The following TNRC18 variants were observed in gnomAD, a reference collection of about 807,000 sequenced individuals.
TNRC18 encodes trinucleotide repeat-containing gene 18 protein.
A neutral mutation model predicts 226.7 loss-of-function variants in TNRC18; 69 were observed. That is an observed-to-expected ratio of 0.30 (90% CI 0.25 to 0.37). The LOEUF (loss-of-function observed/expected upper bound fraction) is 0.37. TNRC18 is among the 10% of genes least tolerant of loss of function. TNRC18 has a pLI of 1.00. For missense variants in TNRC18, 4,754 were observed against 4,256.6 expected (o/e 1.12, Z -3.25); for synonymous variants, 2,449 against 1,927.6 (o/e 1.27, Z -7.09).
Position 5,321,200 on chromosome 7 carries a change from T to G in TNRC18, c.6443-10A>C, listed in dbSNP as rs189021954. On this transcript the variant is annotated splice_polypyrimidine_tract_variant and intron_variant, in intron 21 of 29. Transcript: ENST00000430969. ...ATGCAGGAGCGAGGGGCTGCAGGGG[T>G]TGGATCGTGAGGCGAGGCTGGAGCC... 3.9e-4 allele frequency: 595 copies of G among 1,532,814 alleles called. 3 individuals are homozygous for G. In the African/African-American group the frequency reaches 7.6e-3, roughly 20 times the overall value. 95.0% of individuals were successfully genotyped at this position (1,532,814 alleles called of 1,614,324 possible).
At position 5,324,477 on chromosome 7, in the gene TNRC18, G is replaced by A. The variant is rs1278260481; in HGVS notation, c.6301-122C>T. On this transcript the variant is annotated intron_variant, in intron 20 of 29. Transcript: ENST00000430969. The surrounding 1 kb of genome is among the most constrained non-coding windows in gnomAD (Gnocchi z 4.8). The stretch of plus-strand genomic sequence containing the variant: ...CGCAGGGGGAATCTGTCATGTGCAT[G>A]GCAGGGATCCCAGTTAGGGGCACCC... 10 of 1,372,970 alleles carry A rather than the reference G, an allele frequency of 7.3e-6. No individual in the cohort carries two copies. The East Asian group carries it at 1.9e-4, about 26-fold the overall frequency. The allele number at this position is 1,372,970 out of a possible 1,614,324, so 85.0% of individuals were successfully genotyped here. A position where few individuals can be genotyped will look rare whatever the true frequency, so the allele number is the denominator to read the frequency against.
rs759589013 is a variant in TNRC18 at position 5,351,936 on chromosome 7, G to C, written c.5353C>G (p.Pro1785Ala). 1.9e-6 allele frequency: 3 copies of C among 1,613,798 alleles called. No homozygotes were observed. Among genetic ancestry groups the C allele is most frequent in the Admixed American group, 1.7e-5 (1 of 59,992 alleles). Residue 1785 changes from proline to alanine, a missense_variant, in exon 17 of 30, where the codon CCC (proline) becomes GCC (alanine). Transcript: ENST00000430969. ...GCCGGCTTGGGTTTCAGAGTCCGGG[G>C]GGCCGCCAGGCCCCTCTTGGTCAGC... The part of the protein sequence containing the change: ...PKLTKRGLAA[P>A]RTLKPKPATS...
rs908291723 is a variant in TNRC18, at chr7:5,387,583, GC to G, written c.2152+88del. On this transcript the variant is annotated intron_variant, in intron 5 of 29. Coordinates refer to ENST00000430969, the MANE Select transcript of TNRC18 (RefSeq NM_001080495.3). Reference sequence around the variant, plus strand: ...TGATACTTATAAAGACTTAGCAATAGCAAAGGGAAAGGGCCCACACTGTAAT... The same window carrying G: ...TGATACTTATAAAGACTTAGCAATAGAAAGGGAAAGGGCCCACACTGTAAT... 2.6e-6 allele frequency: 4 copies of G among 1,523,796 alleles called. No individual in the cohort carries two copies. In the African/African-American group the frequency reaches 5.6e-5, roughly 21 times the overall value. The allele number at this position is 1,523,796 out of a possible 1,614,324, so 94.4% of individuals were successfully genotyped here.
At chr7:5,403,491 CACA>C (rs78106812) in intron 2 of TNRC18, among the ~76,000 whole-genome samples, 42,342 of 151,878 alleles carry the variant, frequency 0.28, 6,539 homozygotes, top group South Asian at 0.34. Context: ...CTTGACCTCT[CACA>C]ACAACTGCAT....
At chr7:5,387,104 A>G (rs1014835382) in intron 5 of TNRC18, among the ~76,000 whole-genome samples, 2 of 152,198 alleles carry the variant, frequency 1.3e-5, no homozygotes, top group East Asian at 3.8e-4. Context: ...AAACAATTCT[A>G]AAGAATCCAA....
chr7:5,343,996 T>C (rs543528719), intron 18 of TNRC18, among the ~76,000 whole-genome samples: 1 of 152,268 alleles, frequency 6.6e-6, no homozygotes. Flanking sequence ...CTAGCCAGAC[T>C]GGCCAAGAAA....
chr7:5,393,296 G>C (rs1562608573), intron 3 of TNRC18, among the ~76,000 whole-genome samples: 1 of 152,242 alleles, frequency 6.6e-6, no homozygotes. Context: ...GTGCAGGCTG[G>C]GCACCCTCGT....
intron 3 of TNRC18, among the ~76,000 whole-genome samples, chr7:5,393,218 T>C (rs935009708): frequency 1.1e-4 from 16 of 152,340 alleles, no homozygotes; most frequent in African/African-American, 3.4e-4. Context: ...ATCCAGACCC[T>C]CTGGCATCTG....
At chr7:5,311,191 T>C (rs576342072) in intron 27 of TNRC18, among the ~76,000 whole-genome samples, 2 of 147,128 alleles carry the variant, frequency 1.4e-5, no homozygotes, top group Non-Finnish European at 3.0e-5. Flanking sequence ...TGTGCACACA[T>C]ATGTGCGTGT....
intron 17 of TNRC18, 150 bp downstream of exon 17, chr7:5,351,669 A>G: frequency 1.2e-6 from 1 of 817,664 alleles, no homozygotes; most frequent in East Asian, 2.7e-5. Context: ...TACGCTGCCA[A>G]GAACCCAGAT....
At chr7:5,352,638 C>G (rs1300250508) in intron 16 of TNRC18, among the ~76,000 whole-genome samples, 1 of 152,272 alleles carries the variant, frequency 6.6e-6, no homozygotes, top group East Asian at 1.9e-4. Flanking sequence ...TTACCGCTAG[C>G]AGATCCCTTG....
At chr7:5,337,092 C>T (rs1015940834) in intron 18 of TNRC18, among the ~76,000 whole-genome samples, 9 of 152,098 alleles carry the variant, frequency 5.9e-5, no homozygotes, top group African/African-American at 1.9e-4. Context: ...CACAGTCAAA[C>T]GGCTGACAAA....
At chr7:5,421,893 C>A (rs1276112372) in intron 1 of TNRC18, among the ~76,000 whole-genome samples, 1 of 152,152 alleles carries the variant, frequency 6.6e-6, no homozygotes, top group African/African-American at 2.4e-5. Context: ...TTGCCACAAA[C>A]GGTCCGAAGT....
chr7:5,351,065 C>A (rs1258047159), intron 17 of TNRC18, among the ~76,000 whole-genome samples: 1 of 152,090 alleles, frequency 6.6e-6, no homozygotes, highest in African/African-American at 2.4e-5. Flanking sequence ...CATGATGATG[C>A]TGGAGGTGAA....
At position 5,362,833 on chromosome 7, in the gene TNRC18, C is replaced by T; in HGVS notation, c.4220-8G>A. 6.6e-7 allele frequency: 1 copy of T among 1,516,398 alleles called. No individual in the cohort carries two copies. 93.9% of individuals were successfully genotyped at this position (1,516,398 alleles called of 1,614,324 possible). On this transcript the variant is annotated splice_region_variant and splice_polypyrimidine_tract_variant and intron_variant, in intron 11 of 29. Coordinates refer to ENST00000430969, the MANE Select transcript of TNRC18 (RefSeq NM_001080495.3). The stretch of plus-strand genomic sequence containing the variant: ...CCAGGGCCCGCTCCGCACCTGTGGA[C>T]AGGAGGTAGGTAACAGGGCGCTGCT...
At position 5,336,005 on chromosome 7, in the gene TNRC18, G is replaced by A. The variant is rs952106993; in HGVS notation, c.5720-2956C>T. 3.9e-5 allele frequency among the ~76,000 whole-genome samples: 6 copies of A among 151,900 alleles called. No homozygotes were observed. The South Asian group carries it at 6.2e-4, about 16-fold the overall frequency. On this transcript the variant is annotated intron_variant, in intron 18 of 29. Transcript: ENST00000430969. ...GCAGATCACTTGAGGTGAGGAGTTTGAGACCAGCCTGGCCAACATGGCAAA... is the reference window on the plus strand; with the variant it reads ...GCAGATCACTTGAGGTGAGGAGTTTAAGACCAGCCTGGCCAACATGGCAAA...
rs1554272402 is a variant in TNRC18 at position 5,323,568 on chromosome 7, G to GT, written c.6442+645dup. On this transcript the variant is annotated intron_variant, in intron 21 of 29. Coordinates refer to ENST00000430969, the MANE Select transcript of TNRC18 (RefSeq NM_001080495.3). ...CTCGTTCTCTGTGCAGCACCAGACA[G>GT]TTTTTTTTTTTTTGAGACACAGTTT... Among the ~76,000 whole-genome samples the GT allele has an allele frequency of 1.4e-3, 166 of 122,238 alleles. 4 individuals are homozygous for GT. The highest frequency in any genetic ancestry group is 3.9e-3 in the African/African-American group (122 of 30,964). The allele number at this position is 122,238 out of a possible 152,430, so 80.2% of individuals were successfully genotyped here.
chr7:5,378,171 C>A (rs1038144793), intron 5 of TNRC18, 147 bp from the exon 6 acceptor site: 7 of 618,170 alleles, frequency 1.1e-5, no homozygotes, highest in African/African-American at 1.1e-4. Flanking sequence ...ACCCCAACAT[C>A]TTTCCTTATG....
At chr7:5,311,328 C>T (rs775233014) in intron 27 of TNRC18, among the ~76,000 whole-genome samples, 33 of 152,376 alleles carry the variant, frequency 2.2e-4, no homozygotes, top group Middle Eastern at 3.4e-3. Context: ...GCAGGGCACA[C>T]GGGACCCCGA....
Sources: gnomAD v4.1 joint callset for allele counts (sites outside exome capture counted in the v4.1 genomes callset) on GRCh38, gnomAD v4.1.1 for gene constraint, Gnocchi (gnomAD v3.1) non-coding constraint, MANE v1.5 for transcripts, NCBI Gene and HGNC (gene_info 2026-07-23, HGNC 2026-07-21) for gene names.